LRRC3C: variants seen among roughly 807,000 people sequenced by gnomAD.
LRRC3C encodes the protein leucine rich repeat containing 3C, also known as leucine-rich repeat-containing protein 3C.
A neutral mutation model predicts 14.8 loss-of-function variants in LRRC3C; 11 were observed. The observed-to-expected ratio is 0.74, with a 90% confidence interval of 0.47 to 1.23. The LOEUF is 1.23. LRRC3C is among the 50% of genes most tolerant of loss of function. LRRC3C has a pLI of 0.00. For missense variants in LRRC3C, 354 were observed against 361.8 expected (o/e 0.98, Z 0.18); for synonymous variants, 149 against 161.5 (o/e 0.92, Z 0.59).
At chr17:39,931,077 G>A (rs1186162383) in intron 1 of LRRC3C, among the ~76,000 whole-genome samples, 1 of 151,772 alleles carries the variant, frequency 6.6e-6, no homozygotes, top group Non-Finnish European at 1.5e-5. Flanking sequence ...AGGAGGTGGA[G>A]GATGCAGTGA....
intron 2 of LRRC3C, among the ~76,000 whole-genome samples, chr17:39,936,490 C>T (rs922763440): frequency 6.6e-6 from 1 of 152,050 alleles, no homozygotes; most frequent in Non-Finnish European, 1.5e-5. Flanking sequence ...GTGATCCAGA[C>T]ATCAAATCTA....
rs967130997 is a variant in LRRC3C at position 39,941,589 on chromosome 17, T to A, written c.26+40T>A. ...CCCTAGTCTCTGTGACACCCCACTC[T>A]CCTGTTCTCTTCCACCTCTCTGACC... On this transcript the variant is annotated intron_variant, in intron 3 of 3. Coordinates refer to ENST00000377924, the MANE Select transcript of LRRC3C (RefSeq NM_001195545.2). 7 of 1,521,982 alleles carry A rather than the reference T, an allele frequency of 4.6e-6. No homozygotes were observed. In the African/African-American group the frequency reaches 9.6e-5, roughly 21 times the overall value. The allele number at this position is 1,521,982 out of a possible 1,614,324, so 94.3% of individuals were successfully genotyped here. A position where few individuals can be genotyped will look rare whatever the true frequency, so the allele number is the denominator to read the frequency against.
At chr17:39,942,095 A>G (rs2144766561) in intron 3 of LRRC3C, among the ~76,000 whole-genome samples, 2 of 152,328 alleles carry the variant, frequency 1.3e-5, no homozygotes, top group South Asian at 4.1e-4. Context: ...ATACGAGAGG[A>G]GGTGAAGGGG....
chr17:39,929,144 G>GT (rs1310756159), intron 1 of LRRC3C: 1 of 152,180 alleles, frequency 6.6e-6, no homozygotes, highest in Non-Finnish European at 1.5e-5. Context: ...AGGTGTCTCT[G>GT]TTTTTTCCGA....
Position 39,943,991 on chromosome 17 carries a change from C to G in LRRC3C, c.85C>G (p.Leu29Val). The part of the protein sequence containing the change: ...FMAMLPTAGH[L>V]LPLLLVIGTG... Reference sequence around the variant, plus strand: ...GGCCATGCTCCCAACAGCAGGTCACCTCCTGCCCCTCCTGCTGGTGATAGG... The same window carrying G: ...GGCCATGCTCCCAACAGCAGGTCACGTCCTGCCCCTCCTGCTGGTGATAGG... The change falls in exon 4 of 4, where the codon CTC (leucine) becomes GTC (valine). Residue 29 changes from leucine to valine, a missense_variant. Physicochemically the swap from Leu to Val is conservative, Grantham distance 32. Coordinates refer to ENST00000377924, the MANE Select transcript of LRRC3C (RefSeq NM_001195545.2). 8.5e-6 allele frequency: 13 copies of G among 1,536,162 alleles called. No individual in the cohort carries two copies. The highest frequency in any genetic ancestry group is 1.1e-5 in the Non-Finnish European group (13 of 1,146,900).
At position 39,944,362 on chromosome 17, in the gene LRRC3C, G is replaced by C. The variant is rs1167058459; in HGVS notation, c.456G>C (p.Gln152His). ...SVPVEAFVGLQIQVNLSANPW... is the reference protein window; with the variant it reads ...SVPVEAFVGLHIQVNLSANPW... ...CCGTGGAGGCCTTTGTGGGGCTACA[G>C]ATCCAAGTGAACCTATCCGCAAACC... Residue 152 changes from glutamine to histidine, a missense_variant, in exon 4 of 4, where the codon CAG (glutamine) becomes CAC (histidine). By Grantham distance (24) the Gln-to-His change is conservative (BLOSUM62 0). Coordinates refer to ENST00000377924, the MANE Select transcript of LRRC3C (RefSeq NM_001195545.2). 1 of 1,533,560 alleles carries C rather than the reference G, an allele frequency of 6.5e-7. No homozygotes were observed. The highest frequency in any genetic ancestry group is 8.7e-7 in the Non-Finnish European group (1 of 1,145,920). 95.0% of individuals were successfully genotyped at this position (1,533,560 alleles called of 1,614,324 possible).
At chr17:39,933,517 G>A (rs1437315657) in intron 1 of LRRC3C, among the ~76,000 whole-genome samples, 1 of 152,130 alleles carries the variant, frequency 6.6e-6, no homozygotes, top group Non-Finnish European at 1.5e-5. Context: ...GGCAGATCAC[G>A]AGGTCAGGAG....
At chr17:39,932,426 G>A (rs969512204) in intron 1 of LRRC3C, among the ~76,000 whole-genome samples, 19 of 152,112 alleles carry the variant, frequency 1.2e-4, no homozygotes, top group African/African-American at 4.1e-4. Context: ...ACCTTGGGCC[G>A]GGCACTGTGG....
At chr17:39,941,089 T>C (rs1978925580) in intron 2 of LRRC3C, among the ~76,000 whole-genome samples, 1 of 151,232 alleles carries the variant, frequency 6.6e-6, no homozygotes, top group South Asian at 2.1e-4. Flanking sequence ...GTGGCTCACA[T>C]CTGTAATCCC....
intron 1 of LRRC3C, among the ~76,000 whole-genome samples, chr17:39,933,638 C>A (rs1384750573): frequency 6.6e-6 from 1 of 152,032 alleles, no homozygotes; most frequent in Non-Finnish European, 1.5e-5. Flanking sequence ...GAGGCTGAGG[C>A]AGGAGAATGG....
intron 1 of LRRC3C, chr17:39,934,860 G>T (rs749264638): frequency 1.1e-4 from 16 of 152,190 alleles, no homozygotes; most frequent in Non-Finnish European, 1.8e-4. Context: ...TGCTAAACAC[G>T]GGGTGGGTTA....
intron 2 of LRRC3C, among the ~76,000 whole-genome samples, chr17:39,941,109 G>A (rs112940438): frequency 0.042 from 6,356 of 151,792 alleles, 426 homozygotes; most frequent in African/African-American, 0.14. Flanking sequence ...CAGCACTTTG[G>A]GAGGCCGAAG....
In LRRC3C at chr17:39,944,119, T is replaced by G. The variant is rs1207023558; in HGVS notation, c.213T>G (p.Ser71Arg). ...RTFRCSQAGL[S>R]AVPSGIPNDT... ...TCCGCTGCAGCCAGGCAGGCCTCAGTGCTGTGCCCTCCGGCATCCCCAATG... is the reference window on the plus strand; with the variant it reads ...TCCGCTGCAGCCAGGCAGGCCTCAGGGCTGTGCCCTCCGGCATCCCCAATG... Residue 71 changes from serine to arginine, a missense_variant, in exon 4 of 4, where the codon AGT (serine) becomes AGG (arginine). Ser to Arg is a moderately radical substitution (Grantham distance 110). Transcript: ENST00000377924. 6.5e-7 allele frequency: 1 copy of G among 1,536,134 alleles called. No homozygotes were observed. Among genetic ancestry groups the G allele is most frequent in the South Asian group, 1.2e-5 (1 of 84,048 alleles).
At position 39,944,635 on chromosome 17, in the gene LRRC3C, T is replaced by G; in HGVS notation, c.729T>G (p.Tyr243Ter). ...LTLMVAYLVHYVWQNRDETRR... is the reference protein window; with the variant it reads ...LTLMVAYLVH ...TCATGGTGGCTTATCTGGTGCATTA[T>G]GTGTGGCAGAACCGAGATGAGACCA... Residue 243 changes from tyrosine (Y) to a stop codon, truncating the protein, a stop_gained, in exon 4 of 4, where the codon TAT becomes TAG. Transcript: ENST00000377924. LOFTEE classifies it high-confidence loss of function. 6.5e-7 allele frequency: 1 copy of G among 1,535,946 alleles called. No homozygotes were observed. Among genetic ancestry groups the G allele is most frequent in the Non-Finnish European group, 8.7e-7 (1 of 1,146,870 alleles).
At chr17:39,940,941 G>A (rs989938855) in intron 2 of LRRC3C, among the ~76,000 whole-genome samples, 3 of 151,930 alleles carry the variant, frequency 2.0e-5, no homozygotes, top group Admixed American at 6.5e-5. Context: ...ATGGTGTTTC[G>A]CCACATTGGC....
rs1444694679 is a variant in LRRC3C at position 39,944,487 on chromosome 17, AC to A, written c.583del (p.Leu195SerfsTer39). The A allele has an allele frequency of 6.8e-7, 1 of 1,465,962 alleles. No homozygotes were observed. The highest frequency in any genetic ancestry group is 1.3e-5 in the South Asian group (1 of 74,964). The allele number at this position is 1,465,962 out of a possible 1,614,324, so 90.8% of individuals were successfully genotyped here. ...GIVCGSGARP[D>X]LVGQEFLLLA... ...GTGTGTGGCTCAGGAGCCCGACCGG[AC>A]CTCGTGGGGCAGGAGTTCCTGCTGC... On this transcript the variant is annotated frameshift_variant, in exon 4 of 4. Transcript: ENST00000377924. LOFTEE classifies it high-confidence loss of function.
chr17:39,942,824 G>A (rs1978973903), intron 3 of LRRC3C, among the ~76,000 whole-genome samples: 1 of 152,204 alleles, frequency 6.6e-6, no homozygotes, highest in Non-Finnish European at 1.5e-5. Flanking sequence ...GAGGAATGGA[G>A]TTGGGGGAAT....
At chr17:39,933,508 G>A (rs1978707877) in intron 1 of LRRC3C, among the ~76,000 whole-genome samples, 2 of 152,196 alleles carry the variant, frequency 1.3e-5, no homozygotes, top group Middle Eastern at 3.2e-3. Flanking sequence ...GCCGAGGCGG[G>A]CAGATCACGA....
chr17:39,944,075 G>A lies in LRRC3C; in HGVS notation c.169G>A (p.Glu57Lys), dbSNP rs993809115. 9 of 1,536,142 alleles carry A rather than the reference G, an allele frequency of 5.9e-6. No homozygotes were observed. Among genetic ancestry groups the A allele is most frequent in the Non-Finnish European group, 7.8e-6 (9 of 1,146,900 alleles). ...TCCCCGGGGCTGTTATGTGGCAAAGGAAGCAGGTGAACGGACGTTCCGCTG... is the reference window on the plus strand; with the variant it reads ...TCCCCGGGGCTGTTATGTGGCAAAGAAAGCAGGTGAACGGACGTTCCGCTG... Reference protein sequence around the residue: ...VPPRGCYVAKEAGERTFRCSQ... With the variant: ...VPPRGCYVAKKAGERTFRCSQ... The change falls in exon 4 of 4, where the codon GAA becomes AAA. Residue 57 changes from glutamate to lysine, a missense_variant. By Grantham distance (56) the Glu-to-Lys change is moderately conservative. Coordinates refer to ENST00000377924, the MANE Select transcript of LRRC3C (RefSeq NM_001195545.2).
Sources: gnomAD v4.1 joint callset for allele counts (sites outside exome capture counted in the v4.1 genomes callset) on GRCh38, gnomAD v4.1.1 for gene constraint, MANE v1.5 for transcripts, NCBI Gene and HGNC (gene_info 2026-07-23, HGNC 2026-07-21) for gene names.